The following FAM117A variants were observed in gnomAD, a reference collection of about 807,000 sequenced individuals.
FAM117A encodes the protein protein FAM117A.
Under a neutral mutation model 44.1 loss-of-function variants are expected in FAM117A, and 21 were observed. The observed-to-expected ratio is 0.48, with a 90% CI of 0.34 to 0.69. The LOEUF (loss-of-function observed/expected upper bound fraction) is 0.69, where lower values mean the gene tolerates loss of function less well. FAM117A is among the 30% of genes least tolerant of loss of function. The pLI is 0.01. For missense variants in FAM117A, 498 were observed against 589.9 expected (o/e 0.84, Z 1.61); for synonymous variants, 220 against 238.3 (o/e 0.92, Z 0.71).
At chr17:49,783,398 A>G (rs1329211990) in intron 1 of FAM117A, among the ~76,000 whole-genome samples, 4 of 152,190 alleles carry the variant, frequency 2.6e-5, no homozygotes, top group African/African-American at 9.6e-5. Context: ...TTGAATCAAG[A>G]TCAGAGTGAT....
At chr17:49,756,744 T>C (rs1384367337) in intron 1 of FAM117A, among the ~76,000 whole-genome samples, 1 of 151,698 alleles carries the variant, frequency 6.6e-6, no homozygotes, top group Non-Finnish European at 1.5e-5. Context: ...GGTAAAACCC[T>C]ATCTCTACTA....
intron 1 of FAM117A, among the ~76,000 whole-genome samples, chr17:49,741,668 T>C (rs1234845828): frequency 6.6e-6 from 1 of 152,226 alleles, no homozygotes; most frequent in Non-Finnish European, 1.5e-5. Context: ...AATCTGGAGT[T>C]AGAAGAGCAA....
intron 7 of FAM117A, among the ~76,000 whole-genome samples, chr17:49,715,472 C>T (rs937700083): frequency 2.6e-5 from 4 of 152,162 alleles, no homozygotes; most frequent in African/African-American, 9.7e-5. Flanking sequence ...ATGAAATGAG[C>T]TCTTTGGTGC....
intron 1 of FAM117A, among the ~76,000 whole-genome samples, chr17:49,741,349 CAT>C (rs1462136361): frequency 2.5e-4 from 38 of 152,120 alleles, no homozygotes; most frequent in Admixed American, 1.2e-3. Context: ...AAACTATGCA[CAT>C]GTTAGAAGAA....
chr17:49,734,447 C>T (rs2073601524), intron 1 of FAM117A, among the ~76,000 whole-genome samples: 1 of 151,502 alleles, frequency 6.6e-6, no homozygotes, highest in African/African-American at 2.4e-5. Context: ...AAAAAATTAC[C>T]CGGGCTTGGT....
intron 1 of FAM117A, among the ~76,000 whole-genome samples, chr17:49,772,305 G>T (rs1567838550): frequency 6.6e-6 from 1 of 150,976 alleles, no homozygotes; most frequent in Admixed American, 6.6e-5. Context: ...AAAAAAAAAA[G>T]TATCATCAAA....
chr17:49,717,447 GA>G (rs2073509446), intron 6 of FAM117A, 65 bp downstream of exon 6: 5 of 1,445,130 alleles, frequency 3.5e-6, no homozygotes, highest in Non-Finnish European at 4.8e-6. Context: ...ACTAGAGGTG[GA>G]AAAGGGAGTG....
intron 1 of FAM117A, among the ~76,000 whole-genome samples, chr17:49,754,618 C>A (rs1271882182): frequency 6.6e-6 from 1 of 151,910 alleles, no homozygotes; most frequent in Non-Finnish European, 1.5e-5. Flanking sequence ...ACAGCAAACT[C>A]TTAAAGGGAA....
chr17:49,731,846 C>T (rs575619669), intron 2 of FAM117A, among the ~76,000 whole-genome samples: 15 of 152,090 alleles, frequency 9.9e-5, no homozygotes, highest in Non-Finnish European at 2.2e-4. Flanking sequence ...AATGCAATGG[C>T]GTGATCTCAG....
At chr17:49,775,356 G>A (rs1014478090) in intron 1 of FAM117A, among the ~76,000 whole-genome samples, 1 of 152,146 alleles carries the variant, frequency 6.6e-6, no homozygotes, top group African/African-American at 2.4e-5. Flanking sequence ...AACCCTGACT[G>A]AATTTGGTGT....
intron 2 of FAM117A, among the ~76,000 whole-genome samples, chr17:49,722,837 T>C (rs902262347): frequency 6.6e-6 from 1 of 152,162 alleles, no homozygotes; most frequent in African/African-American, 2.4e-5. Context: ...CTTTACTCTT[T>C]TCTGAGTGCT....
At chr17:49,723,657 G>T (rs1436301361) in intron 2 of FAM117A, among the ~76,000 whole-genome samples, 2 of 152,116 alleles carry the variant, frequency 1.3e-5, no homozygotes, top group Non-Finnish European at 2.9e-5. Flanking sequence ...AACAGAAAAG[G>T]GGGAGGACGG....
intron 1 of FAM117A, among the ~76,000 whole-genome samples, chr17:49,787,801 G>A (rs2073824524): frequency 6.6e-6 from 1 of 152,180 alleles, no homozygotes; most frequent in Non-Finnish European, 1.5e-5. Flanking sequence ...TTATTTAAAT[G>A]TCCATTCTTT....
chr17:49,735,141 GC>G (rs1037895312), intron 1 of FAM117A, among the ~76,000 whole-genome samples: 3 of 152,104 alleles, frequency 2.0e-5, no homozygotes, highest in African/African-American at 7.2e-5. Context: ...GTGAACATAA[GC>G]TTTTATGGTT....
upstream of FAM117A, among the ~76,000 whole-genome samples, chr17:49,768,718 A>G (rs1033170957): frequency 6.6e-6 from 1 of 152,152 alleles, no homozygotes; most frequent in African/African-American, 2.4e-5. Flanking sequence ...TTATGGGAAC[A>G]GAGTAGGGAG....
chr17:49,731,377 T>C (rs746395101), intron 2 of FAM117A, among the ~76,000 whole-genome samples: 1 of 152,358 alleles, frequency 6.6e-6, no homozygotes, highest in South Asian at 2.1e-4. Flanking sequence ...AAAGGGAGAT[T>C]TGACTCTTAA....
At chr17:49,786,169 T>C (rs2073805282) in intron 1 of FAM117A, among the ~76,000 whole-genome samples, 1 of 152,220 alleles carries the variant, frequency 6.6e-6, no homozygotes, top group African/African-American at 2.4e-5. Context: ...TGTTAGTTTT[T>C]TCATCTTTCT....
intron 2 of FAM117A, among the ~76,000 whole-genome samples, chr17:49,723,364 CAG>C (rs1365958659): frequency 1.3e-5 from 2 of 152,164 alleles, no homozygotes; most frequent in South Asian, 2.1e-4. Context: ...GCACCGAAGA[CAG>C]AGTGTCCAAG....
intron 3 of FAM117A, among the ~76,000 whole-genome samples, chr17:49,720,861 C>T (rs1232605437): frequency 6.6e-6 from 1 of 151,932 alleles, no homozygotes; most frequent in Non-Finnish European, 1.5e-5. Flanking sequence ...ATTACAGGCA[C>T]CCACCATCAC....
Sources: gnomAD v4.1 joint callset for allele counts (sites outside exome capture counted in the v4.1 genomes callset) on GRCh38, gnomAD v4.1.1 for gene constraint, MANE v1.5 for transcripts, NCBI Gene and HGNC (gene_info 2026-07-23, HGNC 2026-07-21) for gene names.